The following VAV3 variants were observed in gnomAD, a reference collection of about 807,000 sequenced individuals.
VAV3 encodes the protein guanine nucleotide exchange factor VAV3.
In VAV3, 94 loss-of-function variants were observed where a neutral mutation model predicts 131.2. That is an observed-to-expected ratio of 0.72 (90% confidence interval 0.61 to 0.85). The LOEUF is 0.85. Among genes scored for constraint, VAV3 ranks in the 40% least tolerant of loss-of-function variants. The pLI is 0.00. For missense variants in VAV3, 939 were observed against 1,002.7 expected (o/e 0.94, Z 0.86); for synonymous variants, 349 against 342.0 (o/e 1.02, Z -0.22).
At chr1:107,923,420 A>AT (rs1673011193) in intron 1 of VAV3, among the ~76,000 whole-genome samples, 1 of 152,170 alleles carries the variant, frequency 6.6e-6, no homozygotes, top group Non-Finnish European at 1.5e-5. Flanking sequence ...GGTCATACGA[A>AT]CAGAGCCTTC....
At chr1:107,951,998 C>A (rs1674558497) in intron 1 of VAV3, among the ~76,000 whole-genome samples, 2 of 152,062 alleles carry the variant, frequency 1.3e-5, no homozygotes, top group Non-Finnish European at 2.9e-5. Flanking sequence ...ATAAACTGTT[C>A]TAGTATAAAG....
chr1:107,933,084 T>C (rs894493041), intron 1 of VAV3, among the ~76,000 whole-genome samples: 1 of 152,194 alleles, frequency 6.6e-6, no homozygotes, highest in African/African-American at 2.4e-5. Context: ...ATAAGAAATT[T>C]ATGCCAAATA....
At chr1:107,612,009 C>T (rs1279993316) in intron 21 of VAV3, among the ~76,000 whole-genome samples, 1 of 152,000 alleles carries the variant, frequency 6.6e-6, no homozygotes, top group East Asian at 1.9e-4. Context: ...TATATGGTTA[C>T]TATTTTTCTC....
At chr1:107,894,728 G>A (rs1671485176) in intron 1 of VAV3, among the ~76,000 whole-genome samples, 1 of 152,126 alleles carries the variant, frequency 6.6e-6, no homozygotes, top group Non-Finnish European at 1.5e-5. Flanking sequence ...GTGACTGAAA[G>A]ACAAATTTCA....
At chr1:107,609,119 C>T (rs1652522407) in intron 22 of VAV3, among the ~76,000 whole-genome samples, 1 of 147,524 alleles carries the variant, frequency 6.8e-6, no homozygotes, top group African/African-American at 2.5e-5. Context: ...GTCACCACCA[C>T]TTTTCTTATA....
intron 1 of VAV3, among the ~76,000 whole-genome samples, chr1:107,911,611 A>G (rs1471123930): frequency 6.6e-6 from 1 of 152,236 alleles, no homozygotes; most frequent in East Asian, 1.9e-4. Flanking sequence ...TTTTCATTCT[A>G]TTTTAAAGAA....
intron 2 of VAV3, among the ~76,000 whole-genome samples, chr1:107,830,914 T>C (rs1668221039): frequency 6.6e-6 from 1 of 152,244 alleles, no homozygotes. Flanking sequence ...TATATCTGTA[T>C]TAGTTTAAAA....
intron 9 of VAV3, among the ~76,000 whole-genome samples, chr1:107,763,293 C>T (rs1376467771): frequency 1.3e-5 from 2 of 152,116 alleles, no homozygotes; most frequent in East Asian, 1.9e-4. Flanking sequence ...TTCCCTAAGT[C>T]GAGCATTGAC....
intron 1 of VAV3, among the ~76,000 whole-genome samples, chr1:107,957,294 T>C (rs1674860676): frequency 6.6e-6 from 1 of 151,686 alleles, no homozygotes; most frequent in South Asian, 2.1e-4. Flanking sequence ...TGTTCCTCTC[T>C]ATCCCTCTAT....
chr1:107,603,857 G>A (rs1449726698), intron 22 of VAV3, among the ~76,000 whole-genome samples: 3 of 151,066 alleles, frequency 2.0e-5, no homozygotes, highest in African/African-American at 7.3e-5. Flanking sequence ...CCAGGCTGGA[G>A]TGCATGGCAC....
intron 17 of VAV3, among the ~76,000 whole-genome samples, chr1:107,693,664 A>G (rs1457757159): frequency 6.6e-6 from 1 of 152,202 alleles, no homozygotes; most frequent in Non-Finnish European, 1.5e-5. Context: ...CATCATTAAA[A>G]ATTATATTCT....
At chr1:107,808,685 A>G (rs888761676) in intron 2 of VAV3, among the ~76,000 whole-genome samples, 9 of 152,082 alleles carry the variant, frequency 5.9e-5, no homozygotes, top group Non-Finnish European at 1.2e-4. Flanking sequence ...TGTTGCCCCA[A>G]TGATTCAGAG....
intron 25 of VAV3, among the ~76,000 whole-genome samples, chr1:107,583,943 C>T (rs936754585): frequency 3.0e-4 from 45 of 151,638 alleles, no homozygotes; most frequent in African/African-American, 7.0e-4. Context: ...GAGCCCGCAT[C>T]GCCAAGTCAA....
chr1:107,721,251 C>T (rs150042719), intron 15 of VAV3, among the ~76,000 whole-genome samples: 146 of 152,272 alleles, frequency 9.6e-4, no homozygotes, highest in African/African-American at 3.3e-3. Flanking sequence ...TATGTCCATT[C>T]AGCAGAATAA....
chr1:107,945,982 G>T (rs1674243045), intron 1 of VAV3, among the ~76,000 whole-genome samples: 1 of 152,122 alleles, frequency 6.6e-6, no homozygotes. Context: ...TCTGGGAATG[G>T]CTGTTTATGG....
intron 11 of VAV3, 139 bp from the exon 12 acceptor site, chr1:107,755,652 C>T (rs972536385): frequency 1.3e-5 from 8 of 614,618 alleles, no homozygotes; most frequent in South Asian, 2.1e-5. Flanking sequence ...AAAATGAATG[C>T]CCAGTCAATC....
chr1:107,875,366 G>C lies in VAV3; in HGVS notation c.205-349C>G, dbSNP rs147860345. Among the ~76,000 whole-genome samples the C allele has an allele frequency of 2.3e-4, 35 of 152,282 alleles. No homozygotes were observed. The East Asian group carries it at 3.5e-3, about 15-fold the overall frequency. ...ACCTGGAGGAGGGATCAGGAGAGTT[G>C]GTGGGGCTGGGTGGGGGAACTTAAA... On this transcript the variant is annotated intron_variant, in intron 1 of 26. Coordinates refer to ENST00000370056, the MANE Select transcript of VAV3 (RefSeq NM_006113.5).
At chr1:107,863,680 G>A (rs1451924781) in intron 2 of VAV3, among the ~76,000 whole-genome samples, 3 of 152,140 alleles carry the variant, frequency 2.0e-5, no homozygotes, top group African/African-American at 7.2e-5. Context: ...ATATAGATAC[G>A]TATATCTTGG....
rs141808723 is a variant in VAV3 at position 107,964,847 on chromosome 1, G to A, written c.23C>T (p.Ala8Val). The change falls in exon 1 of 27, where the codon GCG becomes GTG. Residue 8 changes from alanine to valine, a missense_variant. Transcript: ENST00000370056. ...CACCTTGCAATGGATGAGCCACTGC[G>A]CGCACTGCTTCCACGGCTCCATGCC... MEPWKQC[A>V]QWLIHCKVLP... 1.3e-4 allele frequency: 207 copies of A among 1,609,338 alleles called. No homozygotes were observed. The highest frequency in any genetic ancestry group is 7.6e-4 in the African/African-American group (57 of 74,906).
Sources: gnomAD v4.1 joint callset for allele counts (sites outside exome capture counted in the v4.1 genomes callset) on GRCh38, gnomAD v4.1.1 for gene constraint, MANE v1.5 for transcripts, NCBI Gene and HGNC (gene_info 2026-07-23, HGNC 2026-07-21) for gene names.